PSMD7: variants seen among roughly 807,000 people sequenced by gnomAD.
PSMD7 encodes the protein proteasome 26S subunit, non-ATPase 7.
Under a neutral mutation model 36.4 loss-of-function variants are expected in PSMD7, and 13 were observed. The ratio of observed to expected loss-of-function variants is 0.36; its 90% CI spans 0.23 to 0.57. The LOEUF (loss-of-function observed/expected upper bound fraction) is 0.57. Among genes scored for constraint, PSMD7 ranks in the 20% least tolerant of loss-of-function variants. The pLI is 0.83. For synonymous variants in PSMD7, 186 were observed against 151.0 expected, an observed-to-expected ratio of 1.23 and a Z score of -1.70; for missense variants, 298 against 393.6, an observed-to-expected ratio of 0.76 and a Z score of 2.06.
At chr16:74,300,381 A>C (rs2034146282) in intron 2 of PSMD7, 175 bp downstream of exon 2, 2 of 626,868 alleles carry the variant, frequency 3.2e-6, no homozygotes, top group East Asian at 5.5e-5. Flanking sequence ...AATATTTTAA[A>C]CTTGCAGGCC....
chr16:74,299,732 G>C (rs2034141478), intron 1 of PSMD7: 1 of 321,578 alleles, frequency 3.1e-6, no homozygotes. Flanking sequence ...TTTCAGGATG[G>C]GAAAAGTTTA....
chr16:74,302,418 T>G, intron 5 of PSMD7, 126 bp downstream of exon 5: 1 of 757,498 alleles, frequency 1.3e-6, no homozygotes, highest in Non-Finnish European at 2.1e-6. Flanking sequence ...TTTTTTTCCC[T>G]TTGACTTTTT....
At chr16:74,299,430 C>T (rs1180555118) in intron 1 of PSMD7, 3 of 355,812 alleles carry the variant, frequency 8.4e-6, no homozygotes, top group Non-Finnish European at 1.8e-5. Context: ...GGTGCAGTAG[C>T]ACAATCTCAG....
At chr16:74,302,370 G>A in intron 5 of PSMD7, 78 bp downstream of exon 5, 1 of 1,179,998 alleles carries the variant, frequency 8.5e-7, no homozygotes, top group Non-Finnish European at 1.2e-6. Context: ...CAATTTTCAG[G>A]TCAACAAATC....
chr16:74,300,752 AT>A (rs1159772973), intron 2 of PSMD7, among the ~76,000 whole-genome samples: 1 of 152,234 alleles, frequency 6.6e-6, no homozygotes, highest in East Asian at 1.9e-4. Flanking sequence ...ATTGAAAAAT[AT>A]CAGGAAGTAA....
intron 5 of PSMD7, among the ~76,000 whole-genome samples, chr16:74,303,301 G>C (rs557785022): frequency 1.3e-5 from 2 of 152,316 alleles, no homozygotes; most frequent in South Asian, 4.1e-4. Context: ...ATAGTACTTA[G>C]TGTGAGTTGA....
rs779682835 is a variant in PSMD7, at chr16:74,305,307, G to A, written c.549G>A (p.Thr183=). ...EHLLRDIKDT[T]VGTLSQRITN... is the part of the protein sequence containing the mutation. ...ATTACAGAGATATCAAAGACACGAC[G>A]GTGGGCACTCTGTCCCAGCGGATCA... is the stretch of plus-strand genomic sequence containing the variant. The change falls in exon 7 of 7, where the codon ACG becomes ACA. Residue 183 remains threonine (T), a synonymous_variant. Coordinates refer to ENST00000219313, the MANE Select transcript of PSMD7 (RefSeq NM_002811.5). The A allele has an allele frequency of 1.3e-5, 21 of 1,611,186 alleles. No individual in the cohort carries two copies. Among genetic ancestry groups the A allele is most frequent in the Admixed American group, 3.3e-5 (2 of 59,944 alleles).
intron 4 of PSMD7, 102 bp downstream of exon 4, chr16:74,301,754 C>G: frequency 1.2e-6 from 1 of 865,742 alleles, no homozygotes; most frequent in Non-Finnish European, 1.9e-6. Flanking sequence ...CTGCTTACTG[C>G]TTTATCTCCA....
At chr16:74,301,426 A>G (rs2034154023) in intron 3 of PSMD7, 129 bp from the exon 4 acceptor site, 2 of 688,256 alleles carry the variant, frequency 2.9e-6, no homozygotes, top group Non-Finnish European at 2.4e-6. Context: ...TTTTAGTACC[A>G]CCAGGGTAAA....
chr16:74,300,274 C>T (rs2034145667), intron 2 of PSMD7, 68 bp downstream of exon 2: 1 of 1,388,830 alleles, frequency 7.2e-7, no homozygotes. Flanking sequence ...AAAATATAAA[C>T]CTTTGTTACC....
At chr16:74,303,241 C>A (rs2034170230) in intron 5 of PSMD7, among the ~76,000 whole-genome samples, 1 of 152,128 alleles carries the variant, frequency 6.6e-6, no homozygotes, top group Non-Finnish European at 1.5e-5. Flanking sequence ...AGGAGAATGC[C>A]CCTTGCAGGA....
chr16:74,301,668 T>A lies in PSMD7; in HGVS notation c.357+16T>A. 6.3e-7 allele frequency: 1 copy of A among 1,591,662 alleles called. No homozygotes were observed. Among genetic ancestry groups the A allele is most frequent in the Non-Finnish European group, 8.6e-7 (1 of 1,162,156 alleles). On this transcript the variant is annotated intron_variant, in intron 4 of 6. Transcript: ENST00000219313. ...TCCTAATTCCGTAAGTGGTGTCTAT[T>A]TTTAAAACTCTTGAATGATTTTTTT...
chr16:74,305,595 G>A lies in PSMD7; in HGVS notation c.837G>A (p.Lys279=), dbSNP rs1305152314. 2.5e-6 allele frequency: 4 copies of A among 1,602,174 alleles called. No individual in the cohort carries two copies. Among genetic ancestry groups the A allele is most frequent in the African/African-American group, 2.7e-5 (2 of 74,774 alleles). ...VVALHNLINN[K]IANRDAEKKE... ...CCCTGCACAACCTCATCAACAACAA[G>A]ATTGCCAACCGGGATGCAGAGAAGA... The change falls in exon 7 of 7, where the codon AAG becomes AAA. Residue 279 remains lysine, a synonymous_variant. Transcript: ENST00000219313.
chr16:74,299,775 G>A (rs1330499343), intron 1 of PSMD7: 2 of 375,160 alleles, frequency 5.3e-6, no homozygotes, highest in Non-Finnish European at 1.0e-5. Context: ...AAAAAGTAAA[G>A]TTAAATGTGG....
chr16:74,299,079 C>T (rs1476419259), intron 1 of PSMD7, among the ~76,000 whole-genome samples: 1 of 149,844 alleles, frequency 6.7e-6, no homozygotes, highest in African/African-American at 2.5e-5. Context: ...ATTCAAACCC[C>T]AAACCTAGTA....
At chr16:74,299,676 G>C (rs2034141033) in intron 1 of PSMD7, 1 of 407,210 alleles carries the variant, frequency 2.5e-6, no homozygotes, top group Admixed American at 2.6e-5. Flanking sequence ...TTACAGGCAT[G>C]AGCCACTGCA....
At chr16:74,299,732 G>A in intron 1 of PSMD7, 3 of 321,696 alleles carry the variant, frequency 9.3e-6, no homozygotes, top group Non-Finnish European at 1.9e-5. Context: ...TTTCAGGATG[G>A]GAAAAGTTTA....
In PSMD7 at chr16:74,306,266, C is replaced by T. The variant is rs771442744; in HGVS notation, c.*533C>T. ...CATATATTGTTTACCTTCAAAGATA[C>T]AATTAAATGGCTTGATTTTTAAGCT... On this transcript the variant is annotated 3_prime_UTR_variant, in exon 7 of 7. Coordinates refer to ENST00000219313, the MANE Select transcript of PSMD7 (RefSeq NM_002811.5). The T allele has an allele frequency of 1.3e-5, 2 of 152,634 alleles. No homozygotes were observed. The highest frequency in any genetic ancestry group is 6.5e-5 in the Admixed American group (1 of 15,274). 9.5% of individuals were successfully genotyped at this position (152,634 alleles called of 1,614,324 possible).
Position 74,305,911 on chromosome 16 carries a change from C to T in PSMD7, c.*178C>T, listed in dbSNP as rs1373896898. 2 of 566,026 alleles carry T rather than the reference C, an allele frequency of 3.5e-6. No homozygotes were observed. Among genetic ancestry groups the T allele is most frequent in the African/African-American group, 1.9e-5 (1 of 51,518 alleles). 35.1% of individuals were successfully genotyped at this position (566,026 alleles called of 1,614,324 possible). A position where few individuals can be genotyped will look rare whatever the true frequency, so the allele number is the denominator to read the frequency against. ...CGTGGAAGTGAATGGAGACTGATCT[C>T]AAATCTGAACTGCAGCTTTCGCTGC... On this transcript the variant is annotated 3_prime_UTR_variant, in exon 7 of 7. Transcript: ENST00000219313.
Sources: gnomAD v4.1 joint callset for allele counts (sites outside exome capture counted in the v4.1 genomes callset) on GRCh38, gnomAD v4.1.1 for gene constraint, MANE v1.5 for transcripts, NCBI Gene and HGNC (gene_info 2026-07-23, HGNC 2026-07-21) for gene names.